UNC5D: variants seen among roughly 807,000 people sequenced by gnomAD.
UNC5D encodes the protein unc-5 netrin receptor D.
In UNC5D, 39 loss-of-function variants were observed where a neutral mutation model predicts 105.4. The observed-to-expected ratio is 0.37, with a 90% CI of 0.29 to 0.48. The LOEUF (loss-of-function observed/expected upper bound fraction) is 0.48, where lower values mean the gene tolerates loss of function less well. Among genes scored for constraint, UNC5D ranks in the 20% least tolerant of loss-of-function variants. The pLI is 0.98. For missense variants in UNC5D, 991 were observed against 1,202.4 expected (o/e 0.82, Z 2.60); for synonymous variants, 452 against 450.4 (o/e 1.00, Z -0.04).
intron 16 of UNC5D, among the ~76,000 whole-genome samples, chr8:35,776,939 G>C (rs777936450): frequency 6.6e-6 from 1 of 152,134 alleles, no homozygotes; most frequent in Non-Finnish European, 1.5e-5. Context: ...CCTGCACTTA[G>C]GGAGAACCCT....
At chr8:35,677,057 C>G (rs1825283233) in intron 4 of UNC5D, among the ~76,000 whole-genome samples, 1 of 152,040 alleles carries the variant, frequency 6.6e-6, no homozygotes, top group Non-Finnish European at 1.5e-5. Context: ...TAATGATAGT[C>G]TGACCCTAAC....
At chr8:35,550,475 C>T (rs948256902) in intron 2 of UNC5D, among the ~76,000 whole-genome samples, 1 of 152,072 alleles carries the variant, frequency 6.6e-6, no homozygotes, top group African/African-American at 2.4e-5. Context: ...CACTAGATAT[C>T]CGATTTTTGA....
intron 4 of UNC5D, among the ~76,000 whole-genome samples, chr8:35,640,766 A>G (rs1822657996): frequency 6.6e-6 from 1 of 152,186 alleles, no homozygotes; most frequent in Non-Finnish European, 1.5e-5. Context: ...GGATCTATTT[A>G]CATTGTCTAT....
intron 11 of UNC5D, among the ~76,000 whole-genome samples, chr8:35,731,774 G>A (rs145545302): frequency 2.6e-5 from 4 of 152,256 alleles, no homozygotes; most frequent in South Asian, 2.1e-4. Flanking sequence ...TGATTGATTC[G>A]TGATCCTTTT....
chr8:35,678,119 C>T (rs1236812575), intron 4 of UNC5D, among the ~76,000 whole-genome samples: 2 of 151,988 alleles, frequency 1.3e-5, no homozygotes, highest in African/African-American at 2.4e-5. Flanking sequence ...GGGGGTAGAC[C>T]GTACAGCAGG....
At chr8:35,383,619 C>G (rs2128934313) in intron 1 of UNC5D, among the ~76,000 whole-genome samples, 1 of 152,290 alleles carries the variant, frequency 6.6e-6, no homozygotes. Context: ...TGAGTGTGGA[C>G]TGTGGTTGAC....
chr8:35,459,927 T>C (rs1451705395), intron 1 of UNC5D, among the ~76,000 whole-genome samples: 2 of 152,200 alleles, frequency 1.3e-5, no homozygotes, highest in Non-Finnish European at 2.9e-5. Context: ...TGCTGTGGCC[T>C]TTAGACAAGT....
At chr8:35,342,360 G>A (rs1811514256) in intron 1 of UNC5D, among the ~76,000 whole-genome samples, 1 of 152,068 alleles carries the variant, frequency 6.6e-6, no homozygotes, top group African/African-American at 2.4e-5. Flanking sequence ...TTATAGAATT[G>A]CTTGTCATGT....
At chr8:35,647,700 A>G (rs530026207) in intron 4 of UNC5D, among the ~76,000 whole-genome samples, 2 of 152,308 alleles carry the variant, frequency 1.3e-5, no homozygotes, top group African/African-American at 4.8e-5. Flanking sequence ...GGTCCTTTGT[A>G]CGGTTTATCT....
intron 1 of UNC5D, among the ~76,000 whole-genome samples, chr8:35,359,296 T>C (rs899979269): frequency 1.3e-5 from 2 of 152,270 alleles, no homozygotes; most frequent in African/African-American, 2.4e-5. Flanking sequence ...GCTTCTTTTC[T>C]TCCTCAAACA....
intron 8 of UNC5D, 152 bp from the exon 9 acceptor site, chr8:35,722,058 T>C (rs766409445): frequency 1.6e-5 from 13 of 828,102 alleles, no homozygotes; most frequent in Admixed American, 2.9e-5. Context: ...GATTACTGTG[T>C]GAAAGTGAGT....
chr8:35,250,821 C>T (rs1803643849), intron 1 of UNC5D, among the ~76,000 whole-genome samples: 2 of 151,996 alleles, frequency 1.3e-5, no homozygotes, highest in African/African-American at 4.8e-5. Flanking sequence ...TTCATCCCTC[C>T]TTCCCCCACT....
At chr8:35,699,139 T>C (rs1008625730) in intron 7 of UNC5D, among the ~76,000 whole-genome samples, 5 of 152,086 alleles carry the variant, frequency 3.3e-5, no homozygotes, top group Non-Finnish European at 5.9e-5. Context: ...ATGGAATCAG[T>C]AGGAATGGAT....
chr8:35,509,020 T>C (rs1218975657), intron 1 of UNC5D, among the ~76,000 whole-genome samples: 1 of 152,212 alleles, frequency 6.6e-6, no homozygotes, highest in Admixed American at 6.5e-5. Context: ...ATTCTTGCTA[T>C]GACTCTTCAA....
At chr8:35,594,067 C>A (rs540745826) in intron 3 of UNC5D, among the ~76,000 whole-genome samples, 1 of 152,114 alleles carries the variant, frequency 6.6e-6, no homozygotes, top group Non-Finnish European at 1.5e-5. Flanking sequence ...TGGCAATTTA[C>A]GGTTCCCGGA....
At chr8:35,395,176 A>C (rs1444558304) in intron 1 of UNC5D, among the ~76,000 whole-genome samples, 1 of 152,206 alleles carries the variant, frequency 6.6e-6, no homozygotes, top group African/African-American at 2.4e-5. Context: ...AAGACCTTTT[A>C]TTCAAAGCAG....
At position 35,670,287 on chromosome 8, in the gene UNC5D, A is replaced by G. The variant is rs558702069; in HGVS notation, c.571-13260A>G. 2.0e-5 allele frequency among the ~76,000 whole-genome samples: 3 copies of G among 152,260 alleles called. No individual in the cohort carries two copies. In the East Asian group the frequency reaches 5.8e-4, roughly 29 times the overall value. On this transcript the variant is annotated intron_variant, in intron 4 of 16. Coordinates refer to ENST00000404895, the MANE Select transcript of UNC5D (RefSeq NM_080872.4). ...GATTTGATAGAATGGATATGATGAT[A>G]AGGGGTAAATATTTGGTAAATAATT...
chr8:35,534,223 G>C lies in UNC5D; in HGVS notation c.104-15069G>C, dbSNP rs115880354. ...GAAATGGTAATGTAGCATATATCTA[G>C]AGTTTTTTTGATGAGCAACTCGTAA... On this transcript the variant is annotated intron_variant, in intron 1 of 16. Transcript: ENST00000404895. Among the ~76,000 whole-genome samples, 606 of 152,220 alleles carry C rather than the reference G, an allele frequency of 4.0e-3. 5 individuals carry two copies. Among genetic ancestry groups the C allele is most frequent in the African/African-American group, 0.014 (571 of 41,542 alleles).
chr8:35,486,863 C>T (rs1010854413), intron 1 of UNC5D, among the ~76,000 whole-genome samples: 1 of 152,040 alleles, frequency 6.6e-6, no homozygotes, highest in Non-Finnish European at 1.5e-5. Context: ...ATCCTCTGAA[C>T]CATTAAGGAA....
Sources: allele counts gnomAD v4.1 joint callset (sites outside exome capture counted in the v4.1 genomes callset), GRCh38; gene constraint gnomAD v4.1.1; transcripts MANE v1.5; gene names NCBI Gene and HGNC (gene_info 2026-07-23, HGNC 2026-07-21).